The following ANKDD1A variants were observed in gnomAD, a reference collection of about 807,000 sequenced individuals.
ANKDD1A encodes the protein ankyrin repeat and death domain-containing protein 1A.
A neutral mutation model predicts 63.5 loss-of-function variants in ANKDD1A; 59 were observed. That is an observed-to-expected ratio of 0.93 (90% CI 0.75 to 1.15). The LOEUF (loss-of-function observed/expected upper bound fraction) is 1.15, where lower values mean the gene tolerates loss of function less well. Ranked by LOEUF, ANKDD1A falls within the 50% of genes most tolerant of loss-of-function variation. ANKDD1A has a pLI of 0.00. For synonymous variants in ANKDD1A, 266 were observed against 263.9 expected (o/e 1.01, Z -0.08); for missense variants, 632 against 656.4 (o/e 0.96, Z 0.41).
At chr15:64,940,056 G>A (rs1386937658) in intron 9 of ANKDD1A, among the ~76,000 whole-genome samples, 1 of 151,400 alleles carries the variant, frequency 6.6e-6, no homozygotes, top group African/African-American at 2.4e-5. Flanking sequence ...GAAAAAACAA[G>A]CTATGGACCA....
intron 9 of ANKDD1A, among the ~76,000 whole-genome samples, chr15:64,940,440 A>G (rs552847649): frequency 1.4e-5 from 2 of 147,600 alleles, no homozygotes; most frequent in African/African-American, 5.0e-5. Flanking sequence ...AGATATATAG[A>G]TATTTTTTTT....
chr15:64,952,242 CTTA>C (rs1473627288), intron 14 of ANKDD1A, among the ~76,000 whole-genome samples: 10 of 147,788 alleles, frequency 6.8e-5, no homozygotes, highest in African/African-American at 2.0e-4. Flanking sequence ...CTTTCTTCTT[CTTA>C]TTCTTCTCCT....
chr15:64,919,833 C>G (rs1402265294), intron 3 of ANKDD1A: 5 of 152,664 alleles, frequency 3.3e-5, no homozygotes, highest in Admixed American at 1.3e-4. Context: ...TTGGTCCTCT[C>G]CTTGCCTTGG....
At chr15:64,951,561 T>A (rs111217811) in intron 14 of ANKDD1A, 5 of 124,012 alleles carry the variant, frequency 4.0e-5, no homozygotes, top group Admixed American at 9.0e-5. Flanking sequence ...CTTCTTTCTT[T>A]TTCTTTTCTT....
intron 6 of ANKDD1A, 42 bp downstream of exon 6, chr15:64,927,041 A>G: frequency 1.9e-6 from 3 of 1,606,694 alleles, no homozygotes; most frequent in Non-Finnish European, 2.6e-6. Flanking sequence ...CCAGGGTGCA[A>G]AACTTGCCAC....
At chr15:64,937,005 C>G (rs1481123367) in intron 9 of ANKDD1A, among the ~76,000 whole-genome samples, 1 of 152,110 alleles carries the variant, frequency 6.6e-6, no homozygotes, top group Non-Finnish European at 1.5e-5. Flanking sequence ...AGATATAATT[C>G]TTCACTCATT....
In ANKDD1A at chr15:64,921,916, C is replaced by T. The variant is rs1398878853; in HGVS notation, c.268-5C>T. 2 of 1,613,816 alleles carry T rather than the reference C, an allele frequency of 1.2e-6. No individual in the cohort carries two copies. Among genetic ancestry groups the T allele is most frequent in the African/African-American group, 1.3e-5 (1 of 74,910 alleles). ...TTCTCACCTCCTCTATGTCCTCTCC[C>T]CTAGTTTGGGATGAATGCGCTTCTC... On this transcript the variant is annotated splice_region_variant and splice_polypyrimidine_tract_variant and intron_variant, in intron 3 of 14. Coordinates refer to ENST00000319580, the MANE Select transcript of ANKDD1A (RefSeq NM_182703.6).
chr15:64,930,892 T>C lies in ANKDD1A; in HGVS notation c.641T>C (p.Ile214Thr), dbSNP rs2085084961. Residue 214 changes from isoleucine to threonine, a missense_variant, in exon 7 of 15, where the codon ATC becomes ACC. Coordinates refer to ENST00000319580, the MANE Select transcript of ANKDD1A (RefSeq NM_182703.6). Reference protein sequence around the residue: ...HMAVLQRLVDIGLDLEEQNAE... With the variant: ...HMAVLQRLVDTGLDLEEQNAE... ...GCTGTGCTGCAGCGACTTGTGGACATCGGGCTGGACCTGGAGGAGCAGAAT... is the reference window on the plus strand; with the variant it reads ...GCTGTGCTGCAGCGACTTGTGGACACCGGGCTGGACCTGGAGGAGCAGAAT... 1 of 1,612,578 alleles carries C rather than the reference T, an allele frequency of 6.2e-7. No individual in the cohort carries two copies. Among genetic ancestry groups the C allele is most frequent in the Admixed American group, 1.7e-5 (1 of 60,006 alleles).
rs1274867624 is a variant in ANKDD1A at position 64,911,917 on chromosome 15, T to C, written c.-14T>C. ...CCCGGGCACCAGCGCGCGCAGGGGC[T>C]GCGGAGCGGCAGGATGCAGGAGGAG... is the stretch of plus-strand genomic sequence containing the variant. On this transcript the variant is annotated 5_prime_UTR_variant, in exon 1 of 15. Coordinates refer to ENST00000319580, the MANE Select transcript of ANKDD1A (RefSeq NM_182703.6). 1.6e-6 allele frequency: 2 copies of C among 1,224,742 alleles called. No individual in the cohort carries two copies. Among genetic ancestry groups the C allele is most frequent in the Non-Finnish European group, 2.0e-6 (2 of 980,110 alleles). 75.9% of individuals were successfully genotyped at this position (1,224,742 alleles called of 1,614,324 possible).
intron 14 of ANKDD1A, among the ~76,000 whole-genome samples, chr15:64,954,360 T>TCTTCTC (rs2085382755): frequency 1.2e-5 from 1 of 80,374 alleles, no homozygotes; most frequent in Non-Finnish European, 2.4e-5. Flanking sequence ...CTTCTCTTCT[T>TCTTCTC]CTCCTTCTTC....
At chr15:64,934,357 G>C (rs1355176529) in intron 9 of ANKDD1A, 123 bp downstream of exon 9, 3 of 785,932 alleles carry the variant, frequency 3.8e-6, no homozygotes, top group Non-Finnish European at 5.9e-6. Context: ...CCAGGAGTAG[G>C]GGAGCCGGCA....
intron 6 of ANKDD1A, among the ~76,000 whole-genome samples, chr15:64,928,060 A>C (rs1360959619): frequency 6.6e-6 from 1 of 152,228 alleles, no homozygotes; most frequent in Non-Finnish European, 1.5e-5. Flanking sequence ...TGGAACTGGA[A>C]GGCATCTGAA....
intron 4 of ANKDD1A, among the ~76,000 whole-genome samples, chr15:64,923,524 A>G (rs904211917): frequency 6.6e-6 from 1 of 152,128 alleles, no homozygotes; most frequent in Non-Finnish European, 1.5e-5. Context: ...GAAGGGGTCT[A>G]TAGGCTTCAC....
intron 9 of ANKDD1A, among the ~76,000 whole-genome samples, chr15:64,938,347 A>G (rs937963053): frequency 1.3e-5 from 2 of 152,206 alleles, no homozygotes; most frequent in Admixed American, 1.3e-4. Context: ...CAGGTGGTCA[A>G]GGCCAACATC....
intron 14 of ANKDD1A, among the ~76,000 whole-genome samples, chr15:64,952,561 CTTCG>C (rs1248938594): frequency 8.2e-6 from 1 of 121,916 alleles, no homozygotes; most frequent in African/African-American, 3.0e-5. Context: ...CTTCCTTCTC[CTTCG>C]TTCTTCTTCT....
intron 14 of ANKDD1A, among the ~76,000 whole-genome samples, chr15:64,952,239 CTTCTTA>C (rs1252577891): frequency 2.0e-5 from 3 of 146,824 alleles, no homozygotes; most frequent in Non-Finnish European, 3.0e-5. Context: ...CTCCTTTCTT[CTTCTTA>C]TTCTTCTCCT....
chr15:64,950,701 G>A, intron 14 of ANKDD1A: 2 of 947,022 alleles, frequency 2.1e-6, no homozygotes, highest in South Asian at 1.0e-4. Context: ...AATGTTTCTA[G>A]CATATTATTG....
intron 1 of ANKDD1A, 28 bp downstream of exon 1, chr15:64,911,992 GCGGGC>G: frequency 3.4e-6 from 1 of 298,476 alleles, no homozygotes; most frequent in Non-Finnish European, 5.9e-6. Context: ...AGGGAGGGGG[GCGGGC>G]CGAGGCCGAG....
At chr15:64,947,351 C>G in intron 12 of ANKDD1A, 53 bp from the exon 13 acceptor site, 1 of 1,578,320 alleles carries the variant, frequency 6.3e-7, no homozygotes, top group South Asian at 1.2e-5. Flanking sequence ...CGGCACTGCC[C>G]CTGTCTGGGA....
Sources: gnomAD v4.1 joint callset for allele counts (sites outside exome capture counted in the v4.1 genomes callset) on GRCh38, gnomAD v4.1.1 for gene constraint, MANE v1.5 for transcripts, NCBI Gene and HGNC (gene_info 2026-07-23, HGNC 2026-07-21) for gene names.